The following MACF1 variants were observed in gnomAD, a reference collection of about 807,000 sequenced individuals.
MACF1 encodes microtubule-actin cross-linking factor 1.
In MACF1, 193 loss-of-function variants were observed where a neutral mutation model predicts 854.8. That is an observed-to-expected ratio of 0.23 (90% CI 0.20 to 0.25). The LOEUF (loss-of-function observed/expected upper bound fraction) is 0.25. Among genes scored for constraint, MACF1 ranks in the 10% least tolerant of loss-of-function variants. MACF1 has a pLI of 1.00. For missense variants in MACF1, 7,722 were observed against 8,929.1 expected (o/e 0.86, Z 5.45); for synonymous variants, 3,185 against 3,226.7 (o/e 0.99, Z 0.44).
intron 28 of MACF1, among the ~76,000 whole-genome samples, chr1:39,316,774 C>A (rs530217670): frequency 7.9e-5 from 12 of 152,232 alleles, no homozygotes; most frequent in African/African-American, 2.9e-4. Context: ...TTAATAAAAT[C>A]ATGGATTAAT....
chr1:39,303,134 C>A (rs1057379368), intron 23 of MACF1, 56 bp downstream of exon 23: 15 of 1,583,646 alleles, frequency 9.5e-6, no homozygotes, highest in African/African-American at 1.3e-5. Flanking sequence ...CCTCGGTGAA[C>A]CAGTGGAGGG....
At chr1:39,412,861 C>T (rs756998787) in intron 58 of MACF1, 1 of 1,610,780 alleles carries the variant, frequency 6.2e-7, no homozygotes, top group African/African-American at 1.3e-5. Flanking sequence ...AGTGCCTGCC[C>T]CAGAGGGAAC....
Position 39,336,169 on chromosome 1 carries a change from C to T in MACF1, c.9581C>T (p.Pro3194Leu). 6.2e-7 allele frequency: 1 copy of T among 1,614,122 alleles called. No individual in the cohort carries two copies. Among genetic ancestry groups the T allele is most frequent in the Non-Finnish European group, 8.5e-7 (1 of 1,180,020 alleles). ...LKLEEITVSR[P>L]DSKEVRYLEF... ...TTGGAAGAAATCACAGTTTCTAGACCAGATTCAAAAGAAGTCAGGTATCTA... is the reference window on the plus strand; with the variant it reads ...TTGGAAGAAATCACAGTTTCTAGACTAGATTCAAAAGAAGTCAGGTATCTA... Residue 3194 changes from proline (P) to leucine (L), a missense_variant, in exon 37 of 101, where the codon CCA (proline) becomes CTA (leucine). Physicochemically the swap from Pro to Leu is moderately conservative, Grantham distance 98. Around this residue, in one of 15 missense-constraint regions of MACF1, gnomAD observed 854 missense variants for 852.6 expected, o/e 1.00. Coordinates refer to ENST00000564288, the MANE Select transcript of MACF1 (RefSeq NM_001394062.1).
chr1:39,305,191 G>A (rs1415878171), intron 23 of MACF1, among the ~76,000 whole-genome samples: 1 of 150,916 alleles, frequency 6.6e-6, no homozygotes, highest in East Asian at 2.0e-4. Context: ...AACCCAGGGT[G>A]TGGAGGTTGC....
At chr1:39,156,207 C>T (rs938103245) in intron 2 of MACF1, among the ~76,000 whole-genome samples, 1 of 151,686 alleles carries the variant, frequency 6.6e-6, no homozygotes, top group African/African-American at 2.4e-5. Context: ...TGGGGTTTCA[C>T]CATGTTGGCC....
At chr1:39,358,915 T>TATTC in intron 46 of MACF1, 42 bp downstream of exon 46, 1 of 1,561,910 alleles carries the variant, frequency 6.4e-7, no homozygotes, top group Non-Finnish European at 8.6e-7. Flanking sequence ...CAAGACCTTG[T>TATTC]ATTCCATGGC....
At chr1:39,190,897 G>A (rs1644247978) in intron 2 of MACF1, among the ~76,000 whole-genome samples, 1 of 152,132 alleles carries the variant, frequency 6.6e-6, no homozygotes, top group African/African-American at 2.4e-5. Context: ...GGAGGCTGAG[G>A]CACGAGAATC....
At chr1:39,144,709 T>C (rs1643424808) in intron 2 of MACF1, among the ~76,000 whole-genome samples, 1 of 151,558 alleles carries the variant, frequency 6.6e-6, no homozygotes, top group Non-Finnish European at 1.5e-5. Context: ...CAGGCTGGTC[T>C]CAAACTCCTG....
chr1:39,331,880 G>A lies in MACF1; in HGVS notation c.5292G>A (p.Arg1764=), dbSNP rs1472154785. 1 of 1,614,146 alleles carries A rather than the reference G, an allele frequency of 6.2e-7. No homozygotes were observed. The highest frequency in any genetic ancestry group is 1.1e-5 in the South Asian group (1 of 91,084). ...EGLIDRQVTV[R]LLEAQLFAGG... is the part of the protein sequence containing the mutation. Reference sequence around the variant, plus strand: ...TAATAGATAGGCAGGTCACTGTCCGGTTGCTGGAAGCTCAGCTTTTTGCTG... The same window carrying A: ...TAATAGATAGGCAGGTCACTGTCCGATTGCTGGAAGCTCAGCTTTTTGCTG... Residue 1764 remains arginine (R), a synonymous_variant, in exon 37 of 101, where the codon CGG becomes CGA. Transcript: ENST00000564288.
Position 39,310,427 on chromosome 1 carries a change from T to C in MACF1, c.3099T>C (p.Asn1033=), listed in dbSNP as rs778086849. ...RFQHLMKSME[N]EDKEETVAKM... ...AGCACCTGATGAAGTCCATGGAGAA[T>C]GGTGTGTGCACTGGGAAGAGGGAAA... Residue 1033 remains asparagine, a splice_region_variant and synonymous_variant, in exon 25 of 101, where the codon AAT becomes AAC. Transcript: ENST00000564288. The C allele has an allele frequency of 1.2e-6, 2 of 1,613,772 alleles. No individual in the cohort carries two copies. Among genetic ancestry groups the C allele is most frequent in the Admixed American group, 3.3e-5 (2 of 59,966 alleles).
At chr1:39,270,928 C>T (rs1383937916) in intron 6 of MACF1, among the ~76,000 whole-genome samples, 2 of 152,132 alleles carry the variant, frequency 1.3e-5, no homozygotes, top group Non-Finnish European at 2.9e-5. Flanking sequence ...TCTTAGTGCC[C>T]TCTGTTATTA....
chr1:39,133,343 A>G (rs1643060335), intron 2 of MACF1, among the ~76,000 whole-genome samples: 1 of 152,160 alleles, frequency 6.6e-6, no homozygotes, highest in African/African-American at 2.4e-5. Context: ...CTGGAGTGAG[A>G]GCAGAGACCT....
chr1:39,358,520 A>G (rs1034818850), intron 45 of MACF1, among the ~76,000 whole-genome samples, 177 bp from the exon 46 acceptor site: 1 of 152,218 alleles, frequency 6.6e-6, no homozygotes, highest in African/African-American at 2.4e-5. Context: ...TATGGAGCAA[A>G]CAATGGGGAC....
intron 99 of MACF1, 29 bp from the exon 100 acceptor site, chr1:39,484,572 A>C (rs761206361): frequency 6.2e-7 from 1 of 1,601,340 alleles, no homozygotes; most frequent in Non-Finnish European, 8.5e-7. Context: ...TACCAAGTAA[A>C]ATGTGACCTT....
chr1:39,302,854 G>A, intron 22 of MACF1, 70 bp from the exon 23 acceptor site: 1 of 1,436,882 alleles, frequency 7.0e-7, no homozygotes, highest in Non-Finnish European at 9.6e-7. Flanking sequence ...ATAGCTTTGG[G>A]ATGAGGCACC....
At chr1:39,443,330 C>T in intron 78 of MACF1, 116 bp from the exon 79 acceptor site, 2 of 1,080,828 alleles carry the variant, frequency 1.9e-6, no homozygotes, top group Non-Finnish European at 2.6e-6. Context: ...AACAGCTTTG[C>T]CAGAGAGCAG....
At chr1:39,411,259 G>A (rs1557638155) in intron 58 of MACF1, 10 of 1,613,954 alleles carry the variant, frequency 6.2e-6, no homozygotes, top group Non-Finnish European at 8.5e-6. Flanking sequence ...TATGATGGAG[G>A]CTGAGGGAGA....
intron 2 of MACF1, among the ~76,000 whole-genome samples, chr1:39,241,877 C>G (rs753913080): frequency 6.6e-6 from 1 of 152,038 alleles, no homozygotes; most frequent in African/African-American, 2.4e-5. Context: ...AGTTATTTAG[C>G]TTCTCTAGGC....
At chr1:39,362,410 A>G (rs968524269) in intron 49 of MACF1, among the ~76,000 whole-genome samples, 1 of 152,188 alleles carries the variant, frequency 6.6e-6, no homozygotes, top group Non-Finnish European at 1.5e-5. Flanking sequence ...ACTTACAGAA[A>G]AGCAGAAGAA....
Sources: gnomAD v4.1 joint callset for allele counts (sites outside exome capture counted in the v4.1 genomes callset) on GRCh38, gnomAD v4.1.1 for gene constraint, gnomAD v4.1.1 regional missense constraint, MANE v1.5 for transcripts, NCBI Gene and HGNC (gene_info 2026-07-23, HGNC 2026-07-21) for gene names.